Variants in MYO1H observed in about 807,000 individuals in gnomAD.
MYO1H encodes unconventional myosin-Ih.
MYO1H carries 118 observed loss-of-function variants against 149.3 expected under a neutral mutation model. That is an observed-to-expected ratio of 0.79 (90% CI 0.68 to 0.92). The LOEUF (loss-of-function observed/expected upper bound fraction) is 0.92, where lower values mean the gene tolerates loss of function less well. MYO1H is among the 40% of genes least tolerant of loss of function. The pLI is 0.00. For synonymous variants in MYO1H, 447 were observed against 465.2 expected (o/e 0.96, Z 0.50); for missense variants, 1,212 against 1,280.7 (o/e 0.95, Z 0.82).
At chr12:109,411,370 A>G (rs1372146145) in intron 13 of MYO1H, among the ~76,000 whole-genome samples, 1 of 152,346 alleles carries the variant, frequency 6.6e-6, no homozygotes, top group Non-Finnish European at 1.5e-5. Context: ...GCCAAATGCC[A>G]GGATTATAGG....
chr12:109,447,801 C>G (rs1340028218), exon 32 of MYO1H: 1 of 153,038 alleles, frequency 6.5e-6, no homozygotes, highest in Non-Finnish European at 1.5e-5. Flanking sequence ...CGCCTTCTGC[C>G]CTGAGCTGCT....
intron 3 of MYO1H, among the ~76,000 whole-genome samples, chr12:109,395,752 C>A (rs1869865360): frequency 6.7e-6 from 1 of 150,230 alleles, no homozygotes; most frequent in Non-Finnish European, 1.5e-5. Context: ...AAAAAAAATT[C>A]TCAAATTCTT....
At chr12:109,444,216 T>A (rs1419178902) in exon 29 of MYO1H, 1 of 1,613,180 alleles carries the variant, frequency 6.2e-7, no homozygotes, top group Non-Finnish European at 8.5e-7. Flanking sequence ...TCTTAAGGTG[T>A]CTCCACTAGC....
At chr12:109,327,436 T>C in the MYO1H span, among the ~76,000 whole-genome samples, 1 of 151,592 alleles carries the variant, frequency 6.6e-6, no homozygotes, top group African/African-American at 2.4e-5. Context: ...CCTGGCCTTC[T>C]GTAGTTATTT....
the MYO1H span, among the ~76,000 whole-genome samples, chr12:109,339,432 G>A: frequency 1.3e-5 from 2 of 152,124 alleles, no homozygotes; most frequent in Non-Finnish European, 2.9e-5. Context: ...AAAGACTACA[G>A]AGAATATTTG....
intron 5 of MYO1H, among the ~76,000 whole-genome samples, chr12:109,400,333 G>A (rs1001636882): frequency 3.3e-5 from 5 of 152,094 alleles, no homozygotes; most frequent in East Asian, 1.9e-4. Flanking sequence ...TGATGGTTCC[G>A]GTTGCTCCAT....
chr12:109,446,940 A>G, intron 31 of MYO1H: 1 of 614,134 alleles, frequency 1.6e-6, no homozygotes, highest in Non-Finnish European at 2.9e-6. Flanking sequence ...CTGGAGTCAC[A>G]CGGAGTCCAT....
intron 1 of MYO1H, among the ~76,000 whole-genome samples, chr12:109,357,625 T>G (rs1868637653): frequency 6.6e-6 from 1 of 152,162 alleles, no homozygotes; most frequent in Admixed American, 6.5e-5. Context: ...AATTTTCTCA[T>G]GCCATGAAAT....
upstream of MYO1H, chr12:109,347,855 C>T (rs1484135579): frequency 5.0e-6 from 2 of 398,576 alleles, no homozygotes; most frequent in East Asian, 7.1e-5. Context: ...CGCCTCATAC[C>T]TTGTTGCTGG....
chr12:109,333,930 T>A, the MYO1H span, among the ~76,000 whole-genome samples: 2 of 151,576 alleles, frequency 1.3e-5, no homozygotes, highest in Non-Finnish European at 3.0e-5. Context: ...TTAGTTAGTT[T>A]GTTTATTTTA....
chr12:109,317,828 C>T, the MYO1H span, among the ~76,000 whole-genome samples: 1 of 152,218 alleles, frequency 6.6e-6, no homozygotes, highest in Admixed American at 6.5e-5. Context: ...AAGGGCTTTA[C>T]AGCTCTGTCT....
At chr12:109,385,233 T>C (rs1869278917) in intron 1 of MYO1H, among the ~76,000 whole-genome samples, 1 of 152,216 alleles carries the variant, frequency 6.6e-6, no homozygotes, top group Non-Finnish European at 1.5e-5. Flanking sequence ...TATGCTATGC[T>C]ATATGTGGTA....
intron 1 of MYO1H, chr12:109,357,277 T>TA (rs1245140159): frequency 2.6e-5 from 4 of 152,092 alleles, no homozygotes; most frequent in African/African-American, 4.8e-5. Flanking sequence ...CTGCTGGGAA[T>TA]AAAAAAAGGT....
chr12:109,314,214 T>TTC, the MYO1H span, among the ~76,000 whole-genome samples: 1 of 132,020 alleles, frequency 7.6e-6, no homozygotes, highest in African/African-American at 3.2e-5. Flanking sequence ...TTTCTTTGTC[T>TTC]TTTTTTTTTT....
At chr12:109,332,019 A>G in the MYO1H span, among the ~76,000 whole-genome samples, 467 of 152,044 alleles carry the variant, frequency 3.1e-3, 3 homozygotes, top group African/African-American at 0.01. Context: ...TTATAACACA[A>G]TCTATCTCAT....
intron 15 of MYO1H, 49 bp downstream of exon 15, chr12:109,415,669 G>A: frequency 6.5e-6 from 9 of 1,379,590 alleles, no homozygotes; most frequent in Non-Finnish European, 8.9e-6. Context: ...GCCCAGCCTG[G>A]TGTCTTACAA....
chr12:109,329,196 G>C, the MYO1H span, among the ~76,000 whole-genome samples: 85 of 152,188 alleles, frequency 5.6e-4, no homozygotes, highest in Non-Finnish European at 8.5e-4. Context: ...GTATGCCCTA[G>C]ATTGAAAAAC....
intron 1 of MYO1H, among the ~76,000 whole-genome samples, chr12:109,359,081 C>T (rs1259061606): frequency 6.6e-6 from 1 of 152,040 alleles, no homozygotes; most frequent in Admixed American, 6.6e-5. Context: ...AGATGGCCTT[C>T]CGCTACGGGA....
In MYO1H at chr12:109,396,814, G is replaced by GTTTTTTTTTTTTTTTTT. The variant is rs60551691; in HGVS notation, c.489+246_489+262dup. Among the ~76,000 whole-genome samples, 74 of 51,070 alleles carry GTTTTTTTTTTTTTTTTT rather than the reference G, an allele frequency of 1.4e-3. 7 individuals carry two copies. The highest frequency in any genetic ancestry group is 2.2e-3 in the Non-Finnish European group (54 of 25,114). 33.5% of individuals were successfully genotyped at this position (51,070 alleles called of 152,430 possible). A position where few individuals can be genotyped will look rare whatever the true frequency, so the allele number is the denominator to read the frequency against. The stretch of plus-strand genomic sequence containing the variant: ...GACATTTGGTTTTTGTTTTGGTTTC[G>GTTTTTTTTTTTTTTTTT]TTTTTTTTTTTTTTTTTTTTTTTTT... On this transcript the variant is annotated intron_variant, in intron 4 of 31. Coordinates refer to ENST00000310903, the Ensembl canonical transcript of MYO1H.
Sources: gnomAD v4.1 joint callset for allele counts (sites outside exome capture counted in the v4.1 genomes callset) on GRCh38, gnomAD v4.1.1 for gene constraint, MANE v1.5 for transcripts, NCBI Gene and HGNC (gene_info 2026-07-23, HGNC 2026-07-21) for gene names.